The following IL12RB1 variants were observed in gnomAD, a reference collection of about 807,000 sequenced individuals.
The protein encoded by IL12RB1 is interleukin 12 receptor subunit beta 1.
A neutral mutation model predicts 94.4 loss-of-function variants in IL12RB1; 64 were observed. The ratio of observed to expected loss-of-function variants is 0.68; its 90% CI spans 0.55 to 0.83. The LOEUF (loss-of-function observed/expected upper bound fraction) is 0.83, where lower values mean the gene tolerates loss of function less well. Ranked by LOEUF, IL12RB1 falls within the 40% of genes least tolerant of loss-of-function variation. The pLI is 0.00. For missense variants in IL12RB1, 814 were observed against 855.6 expected (o/e 0.95, Z 0.61); for synonymous variants, 362 against 355.5 (o/e 1.02, Z -0.21).
At chr19:18,069,850 C>T in intron 9 of IL12RB1, 137 bp from the exon 10 acceptor site, 4 of 683,300 alleles carry the variant, frequency 5.9e-6, no homozygotes. Flanking sequence ...CTGTGTTTGG[C>T]TGTTTCCCTG....
At chr19:18,082,518 T>G (rs1035998793) in intron 2 of IL12RB1, among the ~76,000 whole-genome samples, 10 of 152,036 alleles carry the variant, frequency 6.6e-5, no homozygotes, top group South Asian at 4.1e-4. Context: ...TGTTTTTTTT[T>G]GGGGGGTCCC....
At chr19:18,083,324 G>A (rs2036044504) in intron 2 of IL12RB1, 108 bp downstream of exon 2, 2 of 1,046,520 alleles carry the variant, frequency 1.9e-6, no homozygotes, top group Middle Eastern at 2.6e-4. Flanking sequence ...ACCACAGGCA[G>A]GGCTGGGTCT....
intron 1 of IL12RB1, among the ~76,000 whole-genome samples, chr19:18,093,439 A>C (rs74605090): frequency 0.023 from 3,449 of 151,698 alleles, 60 homozygotes; most frequent in Non-Finnish European, 0.03. Context: ...TCACTCAATA[A>C]GCACTCCTTC....
rs751652957 is a variant in IL12RB1, at chr19:18,061,177, G to A, written c.1736C>T (p.Pro579Leu). ...GLNRAARHLC[P>L]PLPTPCASSA... ...GCTGGCACAGGGTGTGGGCAGCGGC[G>A]GGCACAGGTGCCGTGCGGCCCTGGG... Residue 579 changes from proline (P) to leucine (L), a missense_variant, in exon 15 of 17, where the codon CCG (proline) becomes CTG (leucine). Transcript: ENST00000593993. 46 of 1,594,590 alleles carry A rather than the reference G, an allele frequency of 2.9e-5. No homozygotes were observed. The highest frequency in any genetic ancestry group is 3.7e-5 in the Non-Finnish European group (43 of 1,169,144).
intron 1 of IL12RB1, among the ~76,000 whole-genome samples, chr19:18,097,511 TATTG>T (rs2037050667): frequency 1.3e-5 from 2 of 152,192 alleles, no homozygotes; most frequent in East Asian, 1.9e-4. Flanking sequence ...GCGCTGGGCA[TATTG>T]ATTAACCTAT....
chr19:18,080,533 G>A (rs909519877), intron 4 of IL12RB1, among the ~76,000 whole-genome samples: 25 of 152,006 alleles, frequency 1.6e-4, no homozygotes, highest in Non-Finnish European at 2.4e-4. Flanking sequence ...CACCGCACCC[G>A]GCAAAATACA....
chr19:18,083,234 C>T (rs1246515810), intron 2 of IL12RB1, 198 bp downstream of exon 2: 1 of 665,328 alleles, frequency 1.5e-6, no homozygotes, highest in Non-Finnish European at 2.7e-6. Flanking sequence ...TGATAATGTT[C>T]AGAGAGGCGG....
chr19:18,060,148 G>T, intron 15 of IL12RB1, 63 bp from the exon 16 acceptor site: 1 of 896,664 alleles, frequency 1.1e-6, no homozygotes, highest in Non-Finnish European at 1.8e-6. Flanking sequence ...ACAGCAGGAT[G>T]GAACGGACCA....
rs141341557 is a variant in IL12RB1 at position 18,075,852 on chromosome 19, G to T, written c.597C>A (p.Pro199=). ...QDDDTESCLC[P]LEMNVAQEFQ... ...ATTCCTGGGCCACATTCATCTCCAG[G>T]GGGCAGAGGCAGGACTCTGGGGAGA... Residue 199 remains proline (P), a synonymous_variant, in exon 7 of 17, where the codon CCC becomes CCA. Coordinates refer to ENST00000593993, the MANE Select transcript of IL12RB1 (RefSeq NM_005535.3). 4.6e-5 allele frequency: 75 copies of T among 1,613,334 alleles called. No individual in the cohort carries two copies. In the African/African-American group the frequency reaches 9.5e-4, roughly 20 times the overall value.
upstream of IL12RB1, among the ~76,000 whole-genome samples, chr19:18,089,570 A>G (rs2036539968): frequency 6.6e-6 from 1 of 151,176 alleles, no homozygotes; most frequent in Non-Finnish European, 1.5e-5. Context: ...GGTTGCAGTG[A>G]GCCGAGATCA....
At chr19:18,091,868 C>CTTTTTTT (rs1264996682), upstream of IL12RB1, among the ~76,000 whole-genome samples, 17 of 120,454 alleles carry the variant, frequency 1.4e-4, no homozygotes, top group Non-Finnish European at 1.7e-4. Flanking sequence ...CCTGGCTTTT[C>CTTTTTTT]TTTTTTTTTT....
At chr19:18,086,550 GT>G (rs1204810895) in intron 1 of IL12RB1, among the ~76,000 whole-genome samples, 1 of 151,988 alleles carries the variant, frequency 6.6e-6, no homozygotes, top group African/African-American at 2.4e-5. Flanking sequence ...AAAAAATTTA[GT>G]GCATTTCACA....
intron 8 of IL12RB1, among the ~76,000 whole-genome samples, chr19:18,073,127 T>C (rs912801920): frequency 2.0e-5 from 3 of 152,138 alleles, no homozygotes; most frequent in African/African-American, 7.2e-5. Flanking sequence ...ATACTCCCTC[T>C]ATGCCTCAGT....
At chr19:18,079,028 C>T (rs1390390872) in intron 4 of IL12RB1, among the ~76,000 whole-genome samples, 1 of 152,002 alleles carries the variant, frequency 6.6e-6, no homozygotes, top group Admixed American at 6.6e-5. Flanking sequence ...CAGCAAGACC[C>T]CATCTCTTAA....
intron 3 of IL12RB1, among the ~76,000 whole-genome samples, chr19:18,081,848 ATGGATG>A (rs1175850480): frequency 3.2e-4 from 5 of 15,658 alleles, no homozygotes; most frequent in Non-Finnish European, 1.0e-3. Context: ...AAAAGAAAAA[ATGGATG>A]GATGGATGGA....
rs182250241 is a variant in IL12RB1, at chr19:18,075,844, A to C, written c.605T>G (p.Met202Arg). Reference sequence around the variant, plus strand: ...GAGCTGGAATTCCTGGGCCACATTCATCTCCAGGGGGCAGAGGCAGGACTC... The same window carrying C: ...GAGCTGGAATTCCTGGGCCACATTCCTCTCCAGGGGGCAGAGGCAGGACTC... ...DTESCLCPLE[M>R]NVAQEFQLRR... is the part of the protein sequence containing the mutation. Residue 202 changes from methionine to arginine, a missense_variant, in exon 7 of 17, where the codon ATG becomes AGG. Transcript: ENST00000593993. 1.5e-5 allele frequency: 24 copies of C among 1,612,878 alleles called. No homozygotes were observed. Among genetic ancestry groups the C allele is most frequent in the Non-Finnish European group, 8.5e-7 (1 of 1,178,982 alleles).
intron 15 of IL12RB1, 115 bp from the exon 16 acceptor site, chr19:18,060,200 C>T (rs2146065072): frequency 1.6e-6 from 1 of 638,238 alleles, no homozygotes; most frequent in East Asian, 2.7e-5. Context: ...GAGACCTGGA[C>T]GGGTGCAGTG....
At position 18,068,065 on chromosome 19, in the gene IL12RB1, A is replaced by G. The variant is rs1462276986; in HGVS notation, c.1327+324T>C. On this transcript the variant is annotated intron_variant, in intron 11 of 16. Transcript: ENST00000593993. ...TTTTGAGACAGAGTCTTGCTCTGTC[A>G]CCCAGACTGGAGTACAGTGGCATGA... Among the ~76,000 whole-genome samples the G allele has an allele frequency of 1.3e-4, 15 of 112,588 alleles. No individual in the cohort carries two copies. In the South Asian group the frequency reaches 3.2e-3, roughly 24 times the overall value. 73.9% of individuals were successfully genotyped at this position (112,588 alleles called of 152,430 possible).
chr19:18,059,991 G>A lies in IL12RB1; in HGVS notation c.1886C>T (p.Thr629Ile). ...TAGCTCTGTCTTCTCGAGAGGCTCAGTCCTCTCGCCTTTGTCCCAGGACAT... is the reference window on the plus strand; with the variant it reads ...TAGCTCTGTCTTCTCGAGAGGCTCAATCCTCTCGCCTTTGTCCCAGGACAT... ...VEMSWDKGER[T>I]EPLEKTELPE... The change falls in exon 16 of 17, where the codon ACT becomes ATT. Residue 629 changes from threonine to isoleucine, a missense_variant. Transcript: ENST00000593993. 1 of 1,594,178 alleles carries A rather than the reference G, an allele frequency of 6.3e-7. No homozygotes were observed. Among genetic ancestry groups the A allele is most frequent in the Non-Finnish European group, 8.6e-7 (1 of 1,164,850 alleles).
Sources: allele counts gnomAD v4.1 joint callset (sites outside exome capture counted in the v4.1 genomes callset), GRCh38; gene constraint gnomAD v4.1.1; transcripts MANE v1.5; gene names NCBI Gene and HGNC (gene_info 2026-07-23, HGNC 2026-07-21).